PTPRG: variants seen among roughly 807,000 people sequenced by gnomAD.
PTPRG encodes the protein receptor-type tyrosine-protein phosphatase gamma.
Under a neutral mutation model 165.3 loss-of-function variants are expected in PTPRG, and 102 were observed. The ratio of observed to expected loss-of-function variants is 0.62; its 90% CI spans 0.53 to 0.73. The LOEUF is 0.73. Ranked by LOEUF, PTPRG falls within the 30% of genes least tolerant of loss-of-function variation. The pLI is 0.00. For synonymous variants in PTPRG, 675 were observed against 669.5 expected, an observed-to-expected ratio of 1.01 and a Z score of -0.13; for missense variants, 1,866 against 1,861.4, an observed-to-expected ratio of 1.00 and a Z score of -0.05.
rs1700843744 is a variant in PTPRG, at chr3:62,229,466, T to C, written c.2289-1759T>C. ...TTGGAACAAGCTAACACATAGTCATTAGACAAAAGCGGAAAGAGATTCACT... is the reference window on the plus strand; with the variant it reads ...TTGGAACAAGCTAACACATAGTCATCAGACAAAAGCGGAAAGAGATTCACT... On this transcript the variant is annotated intron_variant, in intron 13 of 29. Transcript: ENST00000474889. The surrounding 1 kb of genome is among the most constrained non-coding windows in gnomAD (Gnocchi z 4.6). Among the ~76,000 whole-genome samples the C allele has an allele frequency of 1.3e-5, 2 of 152,196 alleles. No homozygotes were observed. Among genetic ancestry groups the C allele is most frequent in the South Asian group, 4.1e-4 (2 of 4,824 alleles).
chr3:61,753,676 C>A (rs762180926), intron 2 of PTPRG: 8 of 424,954 alleles, frequency 1.9e-5, no homozygotes, highest in African/African-American at 1.5e-4. Context: ...CCCCCCAACC[C>A]CCTGCTTCCT....
At chr3:62,086,625 C>T (rs1701761314) in intron 5 of PTPRG, among the ~76,000 whole-genome samples, 1 of 152,180 alleles carries the variant, frequency 6.6e-6, no homozygotes, top group African/African-American at 2.4e-5. Flanking sequence ...AAGTTCAATT[C>T]TTTCACTACA....
At chr3:62,108,429 A>G (rs751567929) in intron 5 of PTPRG, among the ~76,000 whole-genome samples, 1 of 152,164 alleles carries the variant, frequency 6.6e-6, no homozygotes, top group East Asian at 1.9e-4. Context: ...CACATTTTCT[A>G]AATCCGTTCT....
At chr3:62,077,520 G>A (rs989229027) in intron 4 of PTPRG, among the ~76,000 whole-genome samples, 1 of 152,080 alleles carries the variant, frequency 6.6e-6, no homozygotes, top group Non-Finnish European at 1.5e-5. Flanking sequence ...TTGCAAAAAG[G>A]TGGTTAACTC....
chr3:62,142,381 AG>A (rs941924140), intron 6 of PTPRG, among the ~76,000 whole-genome samples: 9 of 152,042 alleles, frequency 5.9e-5, no homozygotes, highest in African/African-American at 2.2e-4. Context: ...GGGTAGGGGA[AG>A]GCAAGGTCTT....
chr3:61,629,792 A>C (rs1417166192), intron 1 of PTPRG, among the ~76,000 whole-genome samples: 2 of 152,198 alleles, frequency 1.3e-5, no homozygotes, highest in Non-Finnish European at 2.9e-5. Context: ...GTCATAATAA[A>C]AGATAGATTC....
intron 2 of PTPRG, among the ~76,000 whole-genome samples, chr3:61,974,364 G>T (rs1401096958): frequency 1.3e-5 from 2 of 151,840 alleles, no homozygotes; most frequent in East Asian, 1.9e-4. Flanking sequence ...GACCAGCCTG[G>T]GCAACATGGT....
chr3:62,182,088 A>G (rs772153833), intron 8 of PTPRG, among the ~76,000 whole-genome samples: 10 of 152,230 alleles, frequency 6.6e-5, no homozygotes, highest in Non-Finnish European at 1.2e-4. Flanking sequence ...TATAAGGAAG[A>G]GAAAATGTAT....
rs1168653531 is a variant in PTPRG, at chr3:62,237,145, T to G, written c.2375+5834T>G. Among the ~76,000 whole-genome samples the G allele has an allele frequency of 6.6e-6, 1 of 152,156 alleles. No homozygotes were observed. Among genetic ancestry groups the G allele is most frequent in the African/African-American group, 2.4e-5 (1 of 41,438 alleles). ...AGGGCAGAAAAAGATATAAGAAAATTGTTAGCTCATATCAGAGGTTATCTA... is the reference window on the plus strand; with the variant it reads ...AGGGCAGAAAAAGATATAAGAAAATGGTTAGCTCATATCAGAGGTTATCTA... On this transcript the variant is annotated intron_variant, in intron 14 of 29. Transcript: ENST00000474889. This position sits in a 1 kb window ranked among gnomAD's most constrained non-coding sequence, Gnocchi z 4.5.
intron 1 of PTPRG, among the ~76,000 whole-genome samples, chr3:61,702,763 G>T (rs2031040856): frequency 6.6e-6 from 1 of 152,186 alleles, no homozygotes; most frequent in African/African-American, 2.4e-5. Context: ...ACTCTTTTGG[G>T]TCTGTCTGCT....
chr3:62,047,309 GA>G (rs1200299941), intron 4 of PTPRG, among the ~76,000 whole-genome samples: 4 of 149,222 alleles, frequency 2.7e-5, no homozygotes, highest in Non-Finnish European at 6.0e-5. Flanking sequence ...GCCCAGGCTG[GA>G]GTGCAGTGGC....
intron 6 of PTPRG, among the ~76,000 whole-genome samples, chr3:62,155,262 C>G (rs138255221): frequency 6.6e-6 from 1 of 152,336 alleles, no homozygotes; most frequent in East Asian, 1.9e-4. Flanking sequence ...TTCTGAGCCT[C>G]ACGAATAACT....
At chr3:61,830,192 A>G (rs541004319) in intron 2 of PTPRG, among the ~76,000 whole-genome samples, 1 of 152,336 alleles carries the variant, frequency 6.6e-6, no homozygotes, top group East Asian at 1.9e-4. Flanking sequence ...AACCCTGGGA[A>G]TACTGCCAGT....
chr3:62,267,664 T>A (rs750938060), intron 18 of PTPRG, 21 bp from the exon 19 acceptor site: 1 of 1,606,092 alleles, frequency 6.2e-7, no homozygotes. Flanking sequence ...TCATCTCACT[T>A]TGTGCTGTGT....
chr3:61,960,371 C>T (rs1291708842), intron 2 of PTPRG, among the ~76,000 whole-genome samples: 2 of 152,074 alleles, frequency 1.3e-5, no homozygotes, highest in East Asian at 3.9e-4. Flanking sequence ...CCATCTGTAT[C>T]AGGGTGATAA....
chr3:61,575,429 C>A (rs1030595905), intron 1 of PTPRG, among the ~76,000 whole-genome samples: 10 of 151,956 alleles, frequency 6.6e-5, no homozygotes, highest in Non-Finnish European at 1.3e-4. Context: ...TTTGCAGGTA[C>A]CAGAGTGAAT....
At chr3:61,673,390 C>T (rs1361180567) in intron 1 of PTPRG, among the ~76,000 whole-genome samples, 1 of 152,112 alleles carries the variant, frequency 6.6e-6, no homozygotes, top group Non-Finnish European at 1.5e-5. Context: ...GATAAAACAC[C>T]AGCTCAAGAC....
At chr3:61,751,853 C>T (rs991671802) in intron 2 of PTPRG, among the ~76,000 whole-genome samples, 1 of 151,950 alleles carries the variant, frequency 6.6e-6, no homozygotes, top group African/African-American at 2.4e-5. Context: ...ATTAGCCAGG[C>T]GTAGCGGTGG....
At position 62,213,036 on chromosome 3, in the gene PTPRG, T is replaced by C. The variant is rs1229621841; in HGVS notation, c.2156-5815T>C. ...TCCTGTCCTTATCTTGGTGTCACAA[T>C]TTGGGCATCATGGAGGGAAGCAAAC... On this transcript the variant is annotated intron_variant, in intron 12 of 29. Transcript: ENST00000474889. The surrounding 1 kb of genome is among the most constrained non-coding windows in gnomAD (Gnocchi z 4.4). Among the ~76,000 whole-genome samples, 1 of 152,018 alleles carries C rather than the reference T, an allele frequency of 6.6e-6. No homozygotes were observed. The highest frequency in any genetic ancestry group is 1.5e-5 in the Non-Finnish European group (1 of 68,006).
Sources: allele counts gnomAD v4.1 joint callset (sites outside exome capture counted in the v4.1 genomes callset), GRCh38; gene constraint gnomAD v4.1.1; non-coding constraint Gnocchi (gnomAD v3.1); transcripts MANE v1.5; gene names NCBI Gene and HGNC (gene_info 2026-07-23, HGNC 2026-07-21).